The following EPS15 variants were observed in gnomAD, a reference collection of about 807,000 sequenced individuals.
EPS15 encodes epidermal growth factor receptor pathway substrate 15, also known as epidermal growth factor receptor substrate 15.
EPS15 carries 72 observed loss-of-function variants against 113.8 expected under a neutral mutation model. The ratio of observed to expected loss-of-function variants is 0.63; its 90% CI spans 0.52 to 0.77. The LOEUF is 0.77. EPS15 is among the 30% of genes least tolerant of loss of function. EPS15 has a pLI of 0.00. For missense variants in EPS15, 1,048 were observed against 1,045.8 expected (o/e 1.00, Z -0.03); for synonymous variants, 344 against 363.4 (o/e 0.95, Z 0.61).
intron 20 of EPS15, among the ~76,000 whole-genome samples, chr1:51,395,523 T>TACAC (rs139866618): frequency 9.3e-5 from 14 of 150,568 alleles, no homozygotes; most frequent in South Asian, 4.2e-4. Flanking sequence ...CATACACACA[T>TACAC]ACACACACAC....
chr1:51,516,563 G>A (rs1036319345), intron 1 of EPS15, among the ~76,000 whole-genome samples: 1 of 152,180 alleles, frequency 6.6e-6, no homozygotes, highest in Non-Finnish European at 1.5e-5. Flanking sequence ...TTTGGTGGCT[G>A]GGGAGTTGAA....
intron 2 of EPS15, among the ~76,000 whole-genome samples, chr1:51,479,870 C>T (rs1475176426): frequency 6.6e-6 from 1 of 152,186 alleles, no homozygotes; most frequent in Non-Finnish European, 1.5e-5. Flanking sequence ...TTACAAGATC[C>T]TAGCCTCACG....
chr1:51,444,814 A>C (rs1652872346), intron 11 of EPS15, 75 bp downstream of exon 11: 17 of 1,378,418 alleles, frequency 1.2e-5, no homozygotes, highest in Non-Finnish European at 1.6e-5. Flanking sequence ...ATTTCATCCA[A>C]ATTGAATCTG....
In EPS15 at chr1:51,356,517, A is replaced by G. The variant is rs1646221202; in HGVS notation, c.*183T>C. The G allele has an allele frequency of 2.9e-5, 5 of 174,688 alleles. No homozygotes were observed. Among genetic ancestry groups the G allele is most frequent in the South Asian group, 2.7e-4 (2 of 7,318 alleles). 10.8% of individuals were successfully genotyped at this position (174,688 alleles called of 1,614,324 possible). On this transcript the variant is annotated 3_prime_UTR_variant, in exon 25 of 25. Coordinates refer to ENST00000371733, the MANE Select transcript of EPS15 (RefSeq NM_001981.3). Reference sequence around the variant, plus strand: ...CTGACTGGGTTACGGCTTTTATAAGAAAAAAAAAAAAAGACGAATCTGTAA... The same window carrying G: ...CTGACTGGGTTACGGCTTTTATAAGGAAAAAAAAAAAAGACGAATCTGTAA...
At chr1:51,515,420 C>CAT (rs1644697043) in intron 1 of EPS15, among the ~76,000 whole-genome samples, 1 of 151,896 alleles carries the variant, frequency 6.6e-6, no homozygotes, top group Non-Finnish European at 1.5e-5. Context: ...ATGCAGTGAG[C>CAT]CTGATCATGC....
intron 1 of EPS15, among the ~76,000 whole-genome samples, chr1:51,494,103 C>T (rs1231017411): frequency 6.6e-6 from 1 of 152,146 alleles, no homozygotes; most frequent in African/African-American, 2.4e-5. Flanking sequence ...TGGCTTCTTA[C>T]TTCCTTGATC....
chr1:51,417,402 A>G (rs1262618442), intron 13 of EPS15, among the ~76,000 whole-genome samples: 1 of 152,208 alleles, frequency 6.6e-6, no homozygotes, highest in Non-Finnish European at 1.5e-5. Context: ...ACACAAAACC[A>G]AAGTTTATTC....
At chr1:51,432,136 T>C (rs972674653) in intron 12 of EPS15, among the ~76,000 whole-genome samples, 1 of 152,208 alleles carries the variant, frequency 6.6e-6, no homozygotes, top group Non-Finnish European at 1.5e-5. Flanking sequence ...TCTTGGTAGA[T>C]GCTTTTGCTT....
At chr1:51,387,062 C>A (rs553816504) in intron 21 of EPS15, among the ~76,000 whole-genome samples, 10 of 152,046 alleles carry the variant, frequency 6.6e-5, no homozygotes, top group Non-Finnish European at 1.5e-4. Flanking sequence ...TTAAGGGCAG[C>A]CAGAGAGAAA....
rs1430366613 is a variant in EPS15, at chr1:51,386,186, G to C, written c.2119+8195C>G. On this transcript the variant is annotated intron_variant, in intron 21 of 24. Coordinates refer to ENST00000371733, the MANE Select transcript of EPS15 (RefSeq NM_001981.3). Reference sequence around the variant, plus strand: ...TAACATACGCCCAGGCATATTTTCAGGTTCTTGGGTTATATCAGTGAAAAC... The same window carrying C: ...TAACATACGCCCAGGCATATTTTCACGTTCTTGGGTTATATCAGTGAAAAC... Among the ~76,000 whole-genome samples the C allele has an allele frequency of 2.6e-5, 4 of 152,162 alleles. No individual in the cohort carries two copies. The East Asian group carries it at 7.7e-4, about 29-fold the overall frequency.
chr1:51,505,877 T>C (rs1644491651), intron 1 of EPS15, among the ~76,000 whole-genome samples: 1 of 152,122 alleles, frequency 6.6e-6, no homozygotes, highest in South Asian at 2.1e-4. Context: ...CTACAATTTA[T>C]TTATTTATTT....
At position 51,405,926 on chromosome 1, in the gene EPS15, C is replaced by T. The variant is rs371476818; in HGVS notation, c.1656G>A (p.Glu552=). ...TCACTGGAGATTCCTGGTGTATGGG[C>T]TCAGACTCTAGGTTGCTCTGGCCTT... ...HVEGQSNLES[E]PIHQESPARS... Residue 552 remains glutamate (E), a synonymous_variant, in exon 16 of 25, where the codon GAG becomes GAA. Coordinates refer to ENST00000371733, the MANE Select transcript of EPS15 (RefSeq NM_001981.3). 1.7e-5 allele frequency: 28 copies of T among 1,613,940 alleles called. No homozygotes were observed. Among genetic ancestry groups the T allele is most frequent in the Non-Finnish European group, 2.1e-5 (25 of 1,179,990 alleles).
At chr1:51,435,282 C>T (rs1450620683) in intron 12 of EPS15, among the ~76,000 whole-genome samples, 1 of 151,934 alleles carries the variant, frequency 6.6e-6, no homozygotes, top group Non-Finnish European at 1.5e-5. Context: ...CAACTTCTGC[C>T]ACCCAGGTTC....
chr1:51,431,232 A>T (rs1391746185), intron 12 of EPS15, among the ~76,000 whole-genome samples: 9 of 152,070 alleles, frequency 5.9e-5, no homozygotes, highest in Non-Finnish European at 1.3e-4. Flanking sequence ...GGAATAACTA[A>T]TGTTCTTACT....
chr1:51,504,309 C>T (rs759411050), intron 1 of EPS15, among the ~76,000 whole-genome samples: 3 of 152,058 alleles, frequency 2.0e-5, no homozygotes, highest in Non-Finnish European at 4.4e-5. Context: ...ACTGGGGAGG[C>T]TGAGGTGGGA....
intron 1 of EPS15, 135 bp downstream of exon 1, chr1:51,519,064 A>G: frequency 1.9e-6 from 1 of 528,574 alleles, no homozygotes; most frequent in Non-Finnish European, 3.1e-6. Flanking sequence ...GCTTTCCCTC[A>G]CACACACCGG....
At chr1:51,507,576 G>A (rs1644518731) in intron 1 of EPS15, among the ~76,000 whole-genome samples, 1 of 151,906 alleles carries the variant, frequency 6.6e-6, no homozygotes, top group Non-Finnish European at 1.5e-5. Context: ...CAGGAGAACT[G>A]CTTGAACCTG....
intron 2 of EPS15, among the ~76,000 whole-genome samples, chr1:51,478,108 T>C (rs1643947396): frequency 6.6e-6 from 1 of 152,214 alleles, no homozygotes; most frequent in African/African-American, 2.4e-5. Flanking sequence ...TGTAGGTCTC[T>C]AAGGACTTGC....
intron 24 of EPS15, among the ~76,000 whole-genome samples, chr1:51,357,596 A>G (rs1377280824): frequency 4.0e-5 from 6 of 148,996 alleles, no homozygotes; most frequent in African/African-American, 1.5e-4. Flanking sequence ...ACAACAAATC[A>G]TTTTTAATTT....
Sources: allele counts gnomAD v4.1 joint callset (sites outside exome capture counted in the v4.1 genomes callset), GRCh38; gene constraint gnomAD v4.1.1; transcripts MANE v1.5; gene names NCBI Gene and HGNC (gene_info 2026-07-23, HGNC 2026-07-21).